The following CCSER1 variants were observed in gnomAD, a reference collection of about 807,000 sequenced individuals.
CCSER1 encodes the protein serine-rich coiled-coil domain-containing protein 1.
CCSER1 carries 41 observed loss-of-function variants against 82.0 expected under a neutral mutation model. The observed-to-expected ratio is 0.50, with a 90% CI of 0.39 to 0.65. The LOEUF (loss-of-function observed/expected upper bound fraction) is 0.65. CCSER1 is among the 30% of genes least tolerant of loss of function. The pLI, the probability that CCSER1 is intolerant of heterozygous loss-of-function variation, is 0.00. For missense variants in CCSER1, 1,119 were observed against 1,064.2 expected (o/e 1.05, Z -0.72); for synonymous variants, 414 against 383.9 (o/e 1.08, Z -0.92).
At chr4:91,206,414 G>A (rs4478152) in intron 10 of CCSER1, among the ~76,000 whole-genome samples, 130,672 of 151,988 alleles carry the variant, frequency 0.86, 56,681 homozygotes, top group East Asian at 1. Context: ...ATGTTCTTTG[G>A]AGATGGGGTT....
Position 90,932,990 on chromosome 4 carries a change from A to AAGAAAGAAAGAAAGAAAGAAAG in CCSER1, c.2172+9545_2172+9566dup, listed in dbSNP as rs1730267009. On this transcript the variant is annotated intron_variant, in intron 9 of 10. Coordinates refer to ENST00000509176, the MANE Select transcript of CCSER1 (RefSeq NM_001145065.2). Reference sequence around the variant, plus strand: ...AGAAAGAAAGAAAGAAAGAGAAAGAAAGAAAGAAAGAAAGAAAGAAAGAAA... The same window carrying AAGAAAGAAAGAAAGAAAGAAAG: ...AGAAAGAAAGAAAGAAAGAGAAAGAAAGAAAGAAAGAAAGAAAGAAAGAGAAAGAAAGAAAGAAAGAAAGAAA... Among the ~76,000 whole-genome samples the AAGAAAGAAAGAAAGAAAGAAAG allele has an allele frequency of 3.1e-4, 15 of 48,486 alleles. 7 individuals are homozygous for AAGAAAGAAAGAAAGAAAGAAAG. Among genetic ancestry groups the AAGAAAGAAAGAAAGAAAGAAAG allele is most frequent in the Non-Finnish European group, 3.1e-4 (8 of 25,968 alleles). The allele number at this position is 48,486 out of a possible 152,430, so 31.8% of individuals were successfully genotyped here. A position where few individuals can be genotyped will look rare whatever the true frequency, so the allele number is the denominator to read the frequency against.
intron 6 of CCSER1, among the ~76,000 whole-genome samples, chr4:90,643,620 G>T (rs1726971626): frequency 6.6e-6 from 1 of 152,092 alleles, no homozygotes; most frequent in Non-Finnish European, 1.5e-5. Context: ...CATAGCAAAT[G>T]CTCAATACGT....
At position 91,331,663 on chromosome 4, in the gene CCSER1, A is replaced by G. The variant is rs1360041339; in HGVS notation, c.2217+245669A>G. 2.0e-5 allele frequency among the ~76,000 whole-genome samples: 3 copies of G among 152,132 alleles called. No individual in the cohort carries two copies. In the East Asian group the frequency reaches 5.8e-4, roughly 29 times the overall value. On this transcript the variant is annotated intron_variant, in intron 10 of 10. Transcript: ENST00000509176. ...ATTTGCATAAAATAATAAACATAGA[A>G]TCTCCATAAGATGTGTTTTGAGCGT...
At chr4:90,397,819 C>A (rs916593238) in intron 3 of CCSER1, among the ~76,000 whole-genome samples, 1 of 152,088 alleles carries the variant, frequency 6.6e-6, no homozygotes, top group African/African-American at 2.4e-5. Flanking sequence ...CTGTGAAAAT[C>A]TTTTTCTAGA....
At chr4:90,767,040 G>C (rs1751354267) in intron 7 of CCSER1, among the ~76,000 whole-genome samples, 1 of 152,130 alleles carries the variant, frequency 6.6e-6, no homozygotes, top group South Asian at 2.1e-4. Flanking sequence ...AAAGAACAGT[G>C]CCCAGCTATC....
intron 3 of CCSER1, among the ~76,000 whole-genome samples, chr4:90,342,015 C>T (rs896203839): frequency 2.6e-5 from 4 of 152,032 alleles, no homozygotes; most frequent in African/African-American, 9.7e-5. Context: ...CTTGAGGTAC[C>T]GAAAATCTGG....
chr4:91,105,586 C>T (rs34298477), intron 10 of CCSER1, among the ~76,000 whole-genome samples: 14,564 of 152,002 alleles, frequency 0.096, 941 homozygotes, highest in East Asian at 0.27. Flanking sequence ...TGCCTATAGT[C>T]CCAGCTACTC....
intron 10 of CCSER1, among the ~76,000 whole-genome samples, chr4:91,278,281 C>T (rs917067775): frequency 8.6e-5 from 13 of 152,040 alleles, no homozygotes; most frequent in African/African-American, 3.1e-4. Flanking sequence ...GCGTTGAAGT[C>T]CCTAACTATT....
chr4:91,235,244 A>G (rs1738915373), intron 10 of CCSER1, among the ~76,000 whole-genome samples: 1 of 152,276 alleles, frequency 6.6e-6, no homozygotes, highest in East Asian at 1.9e-4. Context: ...TAGCAAATTC[A>G]TATGGATTCA....
At chr4:90,877,606 A>G (rs1767371272) in intron 8 of CCSER1, among the ~76,000 whole-genome samples, 2 of 152,138 alleles carry the variant, frequency 1.3e-5, no homozygotes, top group Non-Finnish European at 2.9e-5. Context: ...TGACACAGAT[A>G]ATTTGCTGAA....
chr4:91,482,318 C>T (rs1474956260), intron 10 of CCSER1, among the ~76,000 whole-genome samples: 4 of 87,228 alleles, frequency 4.6e-5, no homozygotes, highest in Admixed American at 1.3e-4. Context: ...AGGAGAATGG[C>T]GTGAACCCGG....
chr4:90,188,790 T>C (rs1265452900), intron 1 of CCSER1, among the ~76,000 whole-genome samples: 2 of 151,936 alleles, frequency 1.3e-5, no homozygotes, highest in Non-Finnish European at 2.9e-5. Context: ...TTCAACCATA[T>C]TTGCATATTT....
At position 90,360,575 on chromosome 4, in the gene CCSER1, G is replaced by T. The variant is rs1186212854; in HGVS notation, c.1510-39461G>T. 5.7e-5 allele frequency among the ~76,000 whole-genome samples: 4 copies of T among 70,236 alleles called. No individual in the cohort carries two copies. The Admixed American group carries it at 7.1e-4, about 12-fold the overall frequency. 46.1% of individuals were successfully genotyped at this position (70,236 alleles called of 152,430 possible). Reference sequence around the variant, plus strand: ...AGCCTGGACGACAGAGCGAGACTCCGTCTCAAAAAAAAAAAAAAAAAAAAA... The same window carrying T: ...AGCCTGGACGACAGAGCGAGACTCCTTCTCAAAAAAAAAAAAAAAAAAAAA... On this transcript the variant is annotated intron_variant, in intron 3 of 10. Coordinates refer to ENST00000509176, the MANE Select transcript of CCSER1 (RefSeq NM_001145065.2).
At chr4:90,394,890 G>A (rs914722518) in intron 3 of CCSER1, among the ~76,000 whole-genome samples, 3 of 152,006 alleles carry the variant, frequency 2.0e-5, no homozygotes, top group Non-Finnish European at 4.4e-5. Context: ...TGTCTTCCTG[G>A]ATAAATAACA....
chr4:90,840,415 G>T (rs530367407), intron 8 of CCSER1, among the ~76,000 whole-genome samples: 83 of 152,266 alleles, frequency 5.5e-4, no homozygotes, highest in African/African-American at 1.7e-3. Context: ...ATGAAGTGCT[G>T]TGTGCTCAAA....
At chr4:90,744,962 T>C (rs1747173048) in intron 7 of CCSER1, among the ~76,000 whole-genome samples, 1 of 150,062 alleles carries the variant, frequency 6.7e-6, no homozygotes, top group East Asian at 1.9e-4. Flanking sequence ...ATATATATTA[T>C]ATATATATAT....
chr4:90,425,307 GGA>G (rs769432517), intron 4 of CCSER1, among the ~76,000 whole-genome samples: 7 of 150,044 alleles, frequency 4.7e-5, no homozygotes, highest in African/African-American at 4.9e-5. Context: ...AATGCATGAA[GGA>G]GAGAGAGAGA....
At chr4:91,494,180 CTG>C (rs1303540276) in intron 10 of CCSER1, among the ~76,000 whole-genome samples, 1 of 151,806 alleles carries the variant, frequency 6.6e-6, no homozygotes, top group African/African-American at 2.4e-5. Flanking sequence ...AGCCTCCAGA[CTG>C]TAAGAAATAT....
chr4:90,232,601 AG>A (rs1294220334), intron 1 of CCSER1, among the ~76,000 whole-genome samples: 1 of 141,398 alleles, frequency 7.1e-6, no homozygotes, highest in African/African-American at 2.8e-5. Flanking sequence ...AGCAATGGCA[AG>A]AAAAGCCAAA....
Sources: allele counts gnomAD v4.1 joint callset (sites outside exome capture counted in the v4.1 genomes callset), GRCh38; gene constraint gnomAD v4.1.1; transcripts MANE v1.5; gene names NCBI Gene and HGNC (gene_info 2026-07-23, HGNC 2026-07-21).